The following ADAMTS17 variants were observed in gnomAD, a reference collection of about 807,000 sequenced individuals.
ADAMTS17 encodes A disintegrin and metalloproteinase with thrombospondin motifs 17.
ADAMTS17 carries 113 observed loss-of-function variants against 141.5 expected under a neutral mutation model. The observed-to-expected ratio is 0.80, with a 90% CI of 0.69 to 0.93. ADAMTS17 has a LOEUF of 0.93. Among genes scored for constraint, ADAMTS17 ranks in the 40% least tolerant of loss-of-function variants. ADAMTS17 has a pLI of 0.00. For synonymous variants in ADAMTS17, 768 were observed against 630.6 expected, an observed-to-expected ratio of 1.22 and a Z score of -3.27; for missense variants, 1,659 against 1,517.9, an observed-to-expected ratio of 1.09 and a Z score of -1.54.
intron 3 of ADAMTS17, among the ~76,000 whole-genome samples, chr15:100,287,649 C>T (rs916566489): frequency 6.6e-6 from 1 of 152,158 alleles, no homozygotes; most frequent in Admixed American, 6.5e-5. Flanking sequence ...AGGTAGGTCA[C>T]CTACGAAGGG....
At chr15:99,977,624 C>T (rs906917804) in intron 20 of ADAMTS17, among the ~76,000 whole-genome samples, 1 of 151,098 alleles carries the variant, frequency 6.6e-6, no homozygotes, top group Non-Finnish European at 1.5e-5. Context: ...TCATATTGGC[C>T]AGACTGGTCT....
intron 12 of ADAMTS17, among the ~76,000 whole-genome samples, chr15:100,123,135 C>CA (rs144534103): frequency 8.4e-4 from 128 of 152,210 alleles, no homozygotes; most frequent in African/African-American, 2.7e-3. Flanking sequence ...TGTGTGGACA[C>CA]GGGGCTTCAG....
intron 10 of ADAMTS17, among the ~76,000 whole-genome samples, chr15:100,145,254 G>A (rs193293472): frequency 6.1e-4 from 93 of 152,294 alleles, no homozygotes; most frequent in African/African-American, 2.0e-3. Flanking sequence ...GTCTTTGGGG[G>A]AGCCTAGGGC....
chr15:100,087,107 G>A (rs1209084650), intron 15 of ADAMTS17, among the ~76,000 whole-genome samples: 1 of 152,122 alleles, frequency 6.6e-6, no homozygotes, highest in Non-Finnish European at 1.5e-5. Flanking sequence ...GACTAATAAA[G>A]AAGAAAACAG....
chr15:100,042,381 T>G (rs2031332832), intron 18 of ADAMTS17, among the ~76,000 whole-genome samples: 1 of 152,202 alleles, frequency 6.6e-6, no homozygotes, highest in African/African-American at 2.4e-5. Flanking sequence ...AGACCCCCAG[T>G]GGATGCTTGA....
chr15:100,070,541 T>C (rs1596343184), intron 15 of ADAMTS17, among the ~76,000 whole-genome samples: 1 of 149,958 alleles, frequency 6.7e-6, no homozygotes, highest in Non-Finnish European at 1.5e-5. Flanking sequence ...TAACAAACTG[T>C]CTCTCAGACC....
intron 3 of ADAMTS17, among the ~76,000 whole-genome samples, chr15:100,304,020 G>T (rs1035268933): frequency 6.6e-6 from 1 of 152,164 alleles, no homozygotes; most frequent in Non-Finnish European, 1.5e-5. Context: ...CGCCGCACCC[G>T]GCCTTAATCA....
chr15:100,158,037 C>T (rs546748634), intron 8 of ADAMTS17, among the ~76,000 whole-genome samples: 1 of 152,196 alleles, frequency 6.6e-6, no homozygotes, highest in Admixed American at 6.5e-5. Flanking sequence ...TAGAGGCACG[C>T]GCCAGCACGC....
chr15:100,246,602 C>T (rs1272828429), intron 7 of ADAMTS17, among the ~76,000 whole-genome samples: 1 of 152,286 alleles, frequency 6.6e-6, no homozygotes, highest in East Asian at 1.9e-4. Context: ...TGTGGATAAG[C>T]CCAGAACAGG....
intron 18 of ADAMTS17, among the ~76,000 whole-genome samples, chr15:100,037,938 A>G (rs2030902683): frequency 6.7e-6 from 1 of 149,666 alleles, no homozygotes; most frequent in Non-Finnish European, 1.5e-5. Flanking sequence ...ATACCAGGCT[A>G]ATTTTGTATT....
intron 8 of ADAMTS17, among the ~76,000 whole-genome samples, chr15:100,190,541 G>C (rs74518621): frequency 0.034 from 5,210 of 152,298 alleles, 187 homozygotes; most frequent in East Asian, 0.18. Context: ...TACAGGAGAG[G>C]TCATTTCCAG....
At chr15:100,160,668 C>A (rs1232292187) in intron 8 of ADAMTS17, among the ~76,000 whole-genome samples, 1 of 152,236 alleles carries the variant, frequency 6.6e-6, no homozygotes, top group East Asian at 1.9e-4. Flanking sequence ...ACACCACGTC[C>A]AGTGAGCGTT....
At chr15:100,040,363 A>T (rs1404913803) in intron 18 of ADAMTS17, among the ~76,000 whole-genome samples, 1 of 152,096 alleles carries the variant, frequency 6.6e-6, no homozygotes, top group African/African-American at 2.4e-5. Flanking sequence ...TTTCTGAGAG[A>T]TCGCTTTGTA....
intron 15 of ADAMTS17, among the ~76,000 whole-genome samples, chr15:100,068,659 C>A (rs1489924110): frequency 6.6e-6 from 1 of 152,196 alleles, no homozygotes; most frequent in Non-Finnish European, 1.5e-5. Context: ...AGTGGACCTC[C>A]AGCAAAATCC....
intron 7 of ADAMTS17, among the ~76,000 whole-genome samples, chr15:100,237,007 G>C (rs1290970995): frequency 6.6e-6 from 1 of 152,098 alleles, no homozygotes; most frequent in African/African-American, 2.4e-5. Flanking sequence ...CAGCTCACTT[G>C]GAGTAGCTCC....
intron 3 of ADAMTS17, among the ~76,000 whole-genome samples, chr15:100,311,798 A>G (rs937370610): frequency 6.6e-6 from 1 of 152,090 alleles, no homozygotes; most frequent in African/African-American, 2.4e-5. Flanking sequence ...GGGTTCTCAG[A>G]GAGAACATGT....
chr15:100,058,432 C>T lies in ADAMTS17; in HGVS notation c.2138-4378G>A, dbSNP rs114011694. Reference sequence around the variant, plus strand: ...TCTCCACTGGCCTTGTTTATGTATTCCTCGGGCCCTTTTTTTAAAGATGTT... The same window carrying T: ...TCTCCACTGGCCTTGTTTATGTATTTCTCGGGCCCTTTTTTTAAAGATGTT... On this transcript the variant is annotated intron_variant, in intron 15 of 21. Coordinates refer to ENST00000268070, the MANE Select transcript of ADAMTS17 (RefSeq NM_139057.4). Among the ~76,000 whole-genome samples, 1,121 of 151,916 alleles carry T rather than the reference C, an allele frequency of 7.4e-3. 14 individuals are homozygous for T. The highest frequency in any genetic ancestry group is 0.026 in the African/African-American group (1,072 of 41,420).
chr15:100,209,455 C>G (rs544964837), intron 7 of ADAMTS17, among the ~76,000 whole-genome samples: 3 of 152,250 alleles, frequency 2.0e-5, no homozygotes, highest in African/African-American at 7.2e-5. Context: ...ACATGGGAAG[C>G]CAGCCATCAT....
intron 2 of ADAMTS17, among the ~76,000 whole-genome samples, chr15:100,340,078 T>C (rs1001966759): frequency 1.3e-5 from 2 of 152,236 alleles, no homozygotes; most frequent in African/African-American, 4.8e-5. Flanking sequence ...AGGCCAGTCA[T>C]GACAGAAGAC....
Sources: allele counts gnomAD v4.1 joint callset (sites outside exome capture counted in the v4.1 genomes callset), GRCh38; gene constraint gnomAD v4.1.1; transcripts MANE v1.5; gene names NCBI Gene and HGNC (gene_info 2026-07-23, HGNC 2026-07-21).